The following C6 variants were observed in gnomAD, a reference collection of about 807,000 sequenced individuals.
C6 encodes the protein complement C6, also known as complement component C6.
Under a neutral mutation model 112.9 loss-of-function variants are expected in C6, and 101 were observed. That is an observed-to-expected ratio of 0.89 (90% confidence interval 0.76 to 1.06). The LOEUF is 1.06. C6 is among the 50% of genes least tolerant of loss of function. C6 has a pLI of 0.00. For missense variants in C6, 1,202 were observed against 1,104.6 expected, an observed-to-expected ratio of 1.09 and a Z score of -1.25; for synonymous variants, 431 against 384.1, an observed-to-expected ratio of 1.12 and a Z score of -1.43.
chr5:41,244,380 G>A (rs1363189273), intron 1 of C6, among the ~76,000 whole-genome samples: 1 of 152,140 alleles, frequency 6.6e-6, no homozygotes, highest in Non-Finnish European at 1.5e-5. Context: ...GTTGGTAGGT[G>A]TATGATAATG....
chr5:41,233,679 CA>C (rs34548140), intron 1 of C6, among the ~76,000 whole-genome samples: 26,466 of 151,464 alleles, frequency 0.17, 2,795 homozygotes, highest in South Asian at 0.35. Context: ...AGTGCATGAA[CA>C]AAAAAATAAT....
chr5:41,186,511 G>T, intron 5 of C6: 1 of 342,892 alleles, frequency 2.9e-6, no homozygotes, highest in Non-Finnish European at 5.5e-6. Context: ...CAAAGCCAGT[G>T]CAAAGTTTGG....
chr5:41,210,694 T>C (rs926608166), intron 1 of C6, among the ~76,000 whole-genome samples: 38 of 152,084 alleles, frequency 2.5e-4, no homozygotes, highest in African/African-American at 8.9e-4. Flanking sequence ...TGAGATACCA[T>C]CTCACACCAG....
intron 16 of C6, 81 bp from the exon 17 acceptor site, chr5:41,149,563 C>G: frequency 6.4e-7 from 1 of 1,570,268 alleles, no homozygotes; most frequent in South Asian, 1.1e-5. Context: ...AGTGTGTTCA[C>G]TCACCAACCA....
intron 8 of C6, chr5:41,172,573 C>T (rs990972879): frequency 1.0e-5 from 6 of 585,994 alleles, no homozygotes; most frequent in Non-Finnish European, 1.8e-5. Flanking sequence ...TGCCCATCAT[C>T]TCCCCTTTCA....
intron 5 of C6, among the ~76,000 whole-genome samples, chr5:41,191,200 G>C (rs1236903253): frequency 6.6e-6 from 1 of 150,902 alleles, no homozygotes; most frequent in African/African-American, 2.4e-5. Flanking sequence ...CCAAGTAGCT[G>C]GGACTACAGA....
chr5:41,209,655 A>C (rs987767008), intron 1 of C6, among the ~76,000 whole-genome samples: 1 of 152,188 alleles, frequency 6.6e-6, no homozygotes, highest in Non-Finnish European at 1.5e-5. Flanking sequence ...AATCCAACTT[A>C]CAAGGGATGT....
chr5:41,231,487 A>T (rs1739895737), intron 1 of C6, among the ~76,000 whole-genome samples: 1 of 152,138 alleles, frequency 6.6e-6, no homozygotes, highest in African/African-American at 2.4e-5. Flanking sequence ...TTGTTCACAT[A>T]CAAAAACTAC....
At chr5:41,231,214 A>T (rs532826852) in intron 1 of C6, among the ~76,000 whole-genome samples, 22 of 152,252 alleles carry the variant, frequency 1.4e-4, no homozygotes, top group African/African-American at 4.6e-4. Flanking sequence ...TTATTGAAAG[A>T]TAAGGATTTA....
intron 6 of C6, among the ~76,000 whole-genome samples, chr5:41,185,791 G>A (rs1749722012): frequency 6.6e-6 from 1 of 152,160 alleles, no homozygotes; most frequent in Admixed American, 6.5e-5. Context: ...AATGGAGAAA[G>A]CATGGACTCG....
At chr5:41,204,669 T>TC (rs397974581) in intron 1 of C6, among the ~76,000 whole-genome samples, 1 of 143,650 alleles carries the variant, frequency 7.0e-6, no homozygotes, top group Non-Finnish European at 1.5e-5. Context: ...CTTTTTTTTT[T>TC]CTTTTTTTTT....
chr5:41,255,125 G>A (rs922412193), intron 1 of C6, among the ~76,000 whole-genome samples: 2 of 152,220 alleles, frequency 1.3e-5, no homozygotes, highest in Admixed American at 1.3e-4. Context: ...ACTTTGGGAG[G>A]CCAAGGTGGG....
chr5:41,209,268 C>T (rs537387200), intron 1 of C6, among the ~76,000 whole-genome samples: 10 of 152,138 alleles, frequency 6.6e-5, no homozygotes, highest in Non-Finnish European at 1.3e-4. Context: ...AGTATCATAC[C>T]GAATGAGTAA....
At chr5:41,180,495 A>G (rs1452734990) in intron 7 of C6, among the ~76,000 whole-genome samples, 2 of 152,082 alleles carry the variant, frequency 1.3e-5, no homozygotes, top group Admixed American at 6.5e-5. Context: ...AAAAAGGAAC[A>G]CATGAAGCTG....
At chr5:41,234,634 A>G (rs995631061) in intron 1 of C6, among the ~76,000 whole-genome samples, 1 of 152,106 alleles carries the variant, frequency 6.6e-6, no homozygotes, top group African/African-American at 2.4e-5. Context: ...TAATGAACCA[A>G]TTGCCTAGTT....
intron 7 of C6, among the ~76,000 whole-genome samples, chr5:41,177,489 A>T (rs1010238700): frequency 3.3e-5 from 5 of 152,150 alleles, no homozygotes; most frequent in Admixed American, 3.3e-4. Flanking sequence ...GTATTTATGT[A>T]CATTGTTTTA....
chr5:41,198,597 A>C (rs1047206947), intron 4 of C6, among the ~76,000 whole-genome samples: 7 of 152,144 alleles, frequency 4.6e-5, no homozygotes, highest in Admixed American at 4.6e-4. Flanking sequence ...GTGGTTATGG[A>C]CATAACTGTT....
At chr5:41,247,600 C>T (rs977526850) in intron 1 of C6, among the ~76,000 whole-genome samples, 1 of 151,508 alleles carries the variant, frequency 6.6e-6, no homozygotes, top group African/African-American at 2.4e-5. Context: ...CGCCTGTAGT[C>T]CCAGCTACTC....
rs760355665 is a variant in C6, at chr5:41,203,252, T to C, written c.-20-2A>G. 15 of 1,613,632 alleles carry C rather than the reference T, an allele frequency of 9.3e-6. No homozygotes were observed. In the Admixed American group the frequency reaches 2.3e-4, roughly 25 times the overall value. On this transcript the variant is annotated splice_acceptor_variant, in intron 1 of 17. Transcript: ENST00000337836. LOFTEE classifies it low-confidence loss of function (5UTR_SPLICE). ...CCATGCCTTGAGAGCCTCCAGGCCC[T>C]AAAATGAAAGAATACATAACACATA...
Sources: gnomAD v4.1 joint callset for allele counts (sites outside exome capture counted in the v4.1 genomes callset) on GRCh38, gnomAD v4.1.1 for gene constraint, MANE v1.5 for transcripts, NCBI Gene and HGNC (gene_info 2026-07-23, HGNC 2026-07-21) for gene names.